The following ZNF69 variants were observed in gnomAD, a reference collection of about 807,000 sequenced individuals.
ZNF69 encodes the protein zinc finger protein 69.
In ZNF69, 47 loss-of-function variants were observed where a neutral mutation model predicts 50.9. The observed-to-expected ratio is 0.92, with a 90% CI of 0.73 to 1.18. ZNF69 has a LOEUF of 1.18. Ranked by LOEUF, ZNF69 falls within the 50% of genes most tolerant of loss-of-function variation. The pLI is 0.00. For synonymous variants in ZNF69, 216 were observed against 223.1 expected (o/e 0.97, Z 0.29); for missense variants, 717 against 675.1 (o/e 1.06, Z -0.69).
chr19:11,897,753 T>C (rs531204905), intron 1 of ZNF69, among the ~76,000 whole-genome samples: 1 of 150,740 alleles, frequency 6.6e-6, no homozygotes, highest in East Asian at 1.9e-4. Flanking sequence ...GCGCCTGTAG[T>C]CCCAGCTACT....
chr19:11,898,883 T>A (rs1275995445), intron 1 of ZNF69, among the ~76,000 whole-genome samples: 1 of 152,238 alleles, frequency 6.6e-6, no homozygotes, highest in South Asian at 2.1e-4. Context: ...CTTTGTGTAG[T>A]GTATCCTACA....
chr19:11,904,662 A>G lies in ZNF69; in HGVS notation c.265A>G (p.Lys89Glu), dbSNP rs764429346. ...CATTTTTGACAGGAGTCTCATAGAA[A>G]AGAAAGTCAATGAAATTAAAGATGA... is the stretch of plus-strand genomic sequence containing the variant. ...PRRNFRSLIE[K>E]KVNEIKDDSH... Residue 89 changes from lysine (K) to glutamate (E), a missense_variant, in exon 4 of 4, where the codon AAG becomes GAG. Transcript: ENST00000429654. The G allele has an allele frequency of 3.7e-6, 6 of 1,612,188 alleles. No individual in the cohort carries two copies. Among genetic ancestry groups the G allele is most frequent in the Non-Finnish European group, 3.4e-6 (4 of 1,179,562 alleles).
rs774070618 is a variant in ZNF69, at chr19:11,906,134, G to A, written c.*36G>A. The A allele has an allele frequency of 2.5e-6, 4 of 1,600,082 alleles. No individual in the cohort carries two copies. In the African/African-American group the frequency reaches 5.4e-5, roughly 22 times the overall value. On this transcript the variant is annotated 3_prime_UTR_variant, in exon 4 of 4. Transcript: ENST00000429654. ...TCAGATCTGCCTCACACCTTTGAATGCATGGTAGGACACACAATCAAGAGA... is the reference window on the plus strand; with the variant it reads ...TCAGATCTGCCTCACACCTTTGAATACATGGTAGGACACACAATCAAGAGA...
At position 11,906,450 on chromosome 19, in the gene ZNF69, C is replaced by T. The variant is rs575151382; in HGVS notation, c.*352C>T. 4.6e-5 allele frequency among the ~76,000 whole-genome samples: 7 copies of T among 152,290 alleles called. No individual in the cohort carries two copies. Among genetic ancestry groups the T allele is most frequent in the East Asian group, 1.9e-4 (1 of 5,182 alleles). ...AGTAGGGGCCAACTGACACCTCATA[C>T]GGCCGTGTGCCCCTCTGTGACGAAG... On this transcript the variant is annotated 3_prime_UTR_variant, in exon 4 of 4. Coordinates refer to ENST00000429654, the MANE Select transcript of ZNF69 (RefSeq NM_001364730.1).
intron 1 of ZNF69, among the ~76,000 whole-genome samples, chr19:11,901,080 A>T (rs1381001033): frequency 5.3e-5 from 8 of 151,770 alleles, no homozygotes. Flanking sequence ...CACCATGCCT[A>T]ATTTTTTACT....
intron 1 of ZNF69, among the ~76,000 whole-genome samples, chr19:11,901,894 C>G (rs1356074026): frequency 6.6e-6 from 1 of 151,638 alleles, no homozygotes. Context: ...CATAAGTTCT[C>G]TAAGATGAAT....
At chr19:11,902,682 C>T (rs1294092636) in intron 1 of ZNF69, among the ~76,000 whole-genome samples, 1 of 150,904 alleles carries the variant, frequency 6.6e-6, no homozygotes, top group African/African-American at 2.4e-5. Flanking sequence ...TGTGATTTCC[C>T]AGGGGCTCCC....
At chr19:11,898,587 C>CA (rs1189203121) in intron 1 of ZNF69, among the ~76,000 whole-genome samples, 1 of 152,084 alleles carries the variant, frequency 6.6e-6, no homozygotes, top group Non-Finnish European at 1.5e-5. Flanking sequence ...GAGAGGGTTT[C>CA]ACCATATTGA....
the ZNF69 span, among the ~76,000 whole-genome samples, chr19:11,943,152 T>G: frequency 1.3e-5 from 2 of 152,210 alleles, no homozygotes; most frequent in African/African-American, 4.8e-5. Context: ...ATCCTCCTAG[T>G]GCTGGAAACC....
the ZNF69 span, chr19:11,980,214 C>A: frequency 2.4e-6 from 1 of 423,096 alleles, no homozygotes; most frequent in Non-Finnish European, 4.2e-6. Context: ...ACCCCTGTCT[C>A]TACTAAAACT....
At chr19:11,915,084 A>G (rs1599268728), downstream of ZNF69, among the ~76,000 whole-genome samples, 11 of 152,276 alleles carry the variant, frequency 7.2e-5, 2 homozygotes, top group African/African-American at 2.6e-4. Context: ...TGTGCCTGTA[A>G]TCCCAGCTAA....
chr19:11,935,160 A>G, the ZNF69 span, among the ~76,000 whole-genome samples: 7 of 122,484 alleles, frequency 5.7e-5, no homozygotes, highest in African/African-American at 2.1e-4. Context: ...TGGGCGACAG[A>G]GCGAGACTCC....
chr19:11,935,555 GT>G, the ZNF69 span, among the ~76,000 whole-genome samples: 1 of 151,480 alleles, frequency 6.6e-6, no homozygotes, highest in African/African-American at 2.4e-5. Flanking sequence ...TTGATTGGTT[GT>G]TTTTTTTCTT....
chr19:11,923,613 T>G, the ZNF69 span, among the ~76,000 whole-genome samples: 39 of 152,372 alleles, frequency 2.6e-4, no homozygotes, highest in Non-Finnish European at 5.4e-4. Context: ...TGTCATTGAC[T>G]GCGAGTCCCT....
intron 2 of ZNF69, 32 bp downstream of exon 2, chr19:11,903,731 T>A (rs923733747): frequency 6.2e-7 from 1 of 1,611,818 alleles, no homozygotes; most frequent in Non-Finnish European, 8.5e-7. Flanking sequence ...CCTCAGTCCA[T>A]TAGTGAACCA....
At chr19:11,897,184 C>T (rs1972140936) in intron 1 of ZNF69, among the ~76,000 whole-genome samples, 1 of 151,992 alleles carries the variant, frequency 6.6e-6, no homozygotes, top group Middle Eastern at 3.2e-3. Context: ...CTTGTCTCTA[C>T]TAAAAATACA....
At chr19:11,934,519 CTTT>C in the ZNF69 span, among the ~76,000 whole-genome samples, 1 of 146,420 alleles carries the variant, frequency 6.8e-6, no homozygotes, top group Non-Finnish European at 1.5e-5. Context: ...TTCTTTTTTT[CTTT>C]GTTTGTTTGT....
the ZNF69 span, among the ~76,000 whole-genome samples, chr19:11,937,520 G>A: frequency 5.1e-5 from 7 of 137,752 alleles, no homozygotes; most frequent in South Asian, 2.2e-4. Flanking sequence ...ACAGAGTCTC[G>A]CTCTGTCACC....
At chr19:11,948,354 C>G in the ZNF69 span, 1 of 1,613,916 alleles carries the variant, frequency 6.2e-7, no homozygotes, top group East Asian at 2.2e-5. Flanking sequence ...TTCCAGATGA[C>G]AGACTGAACT....
Sources: gnomAD v4.1 joint callset for allele counts (sites outside exome capture counted in the v4.1 genomes callset) on GRCh38, gnomAD v4.1.1 for gene constraint, MANE v1.5 for transcripts, NCBI Gene and HGNC (gene_info 2026-07-23, HGNC 2026-07-21) for gene names.